The following SMARCC2 variants were observed in gnomAD, a reference collection of about 807,000 sequenced individuals.
SMARCC2 encodes SWI/SNF related BAF chromatin remodeling complex subunit C2.
A neutral mutation model predicts 151.3 loss-of-function variants in SMARCC2; 15 were observed. The ratio of observed to expected loss-of-function variants is 0.10; its 90% confidence interval spans 0.07 to 0.15. SMARCC2 has a LOEUF of 0.15. Among genes scored for constraint, SMARCC2 ranks in the 10% least tolerant of loss-of-function variants. The pLI, the probability that SMARCC2 is intolerant of heterozygous loss-of-function variation, is 1.00. For missense variants in SMARCC2, 1,031 were observed against 1,599.7 expected, an observed-to-expected ratio of 0.64 and a Z score of 6.06; for synonymous variants, 590 against 609.5, an observed-to-expected ratio of 0.97 and a Z score of 0.47.
rs1447886498 is a variant in SMARCC2 at position 56,163,656 on chromosome 12, G to A, written c.*33C>T. The A allele has an allele frequency of 7.5e-7, 1 of 1,329,340 alleles. No homozygotes were observed. Among genetic ancestry groups the A allele is most frequent in the Non-Finnish European group, 1.0e-6 (1 of 986,132 alleles). 82.3% of individuals were successfully genotyped at this position (1,329,340 alleles called of 1,614,324 possible). On this transcript the variant is annotated 3_prime_UTR_variant, in exon 29 of 29. Coordinates refer to ENST00000550164, the MANE Select transcript of SMARCC2 (RefSeq NM_001330288.2). The stretch of plus-strand genomic sequence containing the variant: ...TGTTCCTGGAACCGTGATGTCCACA[G>A]GGGGTGAGGGGGAGAGATGTCTGGC...
chr12:56,163,736 T>C lies in SMARCC2; in HGVS notation c.3691A>G (p.Thr1231Ala), dbSNP rs1360335110. ...GTGACCGTGCCTGGGCTCGGGGCTG[T>C]GGGGTCTGGAGGCAGGGGGGTGCCT... ...DPGTPLPPDP[T>A]APSPGTVTPV... The change falls in exon 29 of 29, where the codon ACA becomes GCA. Residue 1231 changes from threonine (T) to alanine (A), a missense_variant. Transcript: ENST00000550164. The C allele has an allele frequency of 2.0e-6, 3 of 1,511,056 alleles. 1 individual carries two copies. The allele number at this position is 1,511,056 out of a possible 1,614,324, so 93.6% of individuals were successfully genotyped here. A position where few individuals can be genotyped will look rare whatever the true frequency, so the allele number is the denominator to read the frequency against.
intron 1 of SMARCC2, among the ~76,000 whole-genome samples, chr12:56,187,842 G>A (rs1051346674): frequency 3.3e-5 from 5 of 152,072 alleles, no homozygotes; most frequent in African/African-American, 1.2e-4. Flanking sequence ...GTCTTCATAG[G>A]CCCTCCTAGA....
At position 56,182,092 on chromosome 12, in the gene SMARCC2, A is replaced by G. The variant is rs1592317231; in HGVS notation, c.633-13T>C. ...CCACGTGTCGTAACTGCCATGGGAA[A>G]TTGAGCACACAGTAGAATCAATGGG... is the stretch of plus-strand genomic sequence containing the variant. On this transcript the variant is annotated splice_polypyrimidine_tract_variant and intron_variant, in intron 7 of 28. Transcript: ENST00000550164. 3 of 1,596,688 alleles carry G rather than the reference A, an allele frequency of 1.9e-6. No homozygotes were observed. The highest frequency in any genetic ancestry group is 2.6e-6 in the Non-Finnish European group (3 of 1,165,334).
chr12:56,179,130 T>C, intron 11 of SMARCC2, 74 bp from the exon 12 acceptor site: 1 of 1,286,166 alleles, frequency 7.8e-7, no homozygotes, highest in Non-Finnish European at 1.1e-6. Flanking sequence ...GTTCCAGACA[T>C]CCTACTTTCT....
chr12:56,181,881 C>T, intron 8 of SMARCC2, 46 bp from the exon 9 acceptor site: 1 of 1,613,536 alleles, frequency 6.2e-7, no homozygotes, highest in Non-Finnish European at 8.5e-7. Flanking sequence ...CTGGAAGCCA[C>T]AGCTCTGTCT....
chr12:56,185,332 C>T (rs1280056935), intron 3 of SMARCC2: 2 of 496,042 alleles, frequency 4.0e-6, no homozygotes, highest in African/African-American at 3.9e-5. Flanking sequence ...GCACACACCA[C>T]CTCACGTGGC....
chr12:56,174,742 TAA>T lies in SMARCC2; in HGVS notation c.1403_1404del (p.Phe468TyrfsTer3). The T allele has an allele frequency of 6.2e-7, 1 of 1,612,940 alleles. No individual in the cohort carries two copies. The highest frequency in any genetic ancestry group is 1.3e-5 in the African/African-American group (1 of 74,862). ...GGGTTCAGTCGGTAAGTGTCAATCA[TAA>T]AGTTTCGATAGGCCAGGTAGCTTAG... ...TPEIYLAYRNFMIDTYRLNPQ... is the reference protein window; with the variant it reads ...TPEIYLAYRNXMIDTYRLNPQ... On this transcript the variant is annotated frameshift_variant, in exon 16 of 29. Transcript: ENST00000550164. LOFTEE classifies it high-confidence loss of function.
intron 2 of SMARCC2, among the ~76,000 whole-genome samples, 160 bp from the exon 3 acceptor site, chr12:56,186,400 G>C (rs1340506867): frequency 1.3e-5 from 2 of 149,932 alleles, no homozygotes; most frequent in Non-Finnish European, 3.0e-5. Context: ...GCCCAGGCTG[G>C]AGTGCAATGG....
chr12:56,171,630 C>A lies in SMARCC2; in HGVS notation c.2185+49G>T. On this transcript the variant is annotated intron_variant, in intron 21 of 28. Coordinates refer to ENST00000550164, the MANE Select transcript of SMARCC2 (RefSeq NM_001330288.2). This position sits in a 1 kb window ranked among gnomAD's most constrained non-coding sequence, Gnocchi z 4.2. ...GGATTCACAGTCTGAGTAACTAGCC[C>A]TTCAAAAGCAAACTAAGAAGGCCAG... 1 of 1,522,982 alleles carries A rather than the reference C, an allele frequency of 6.6e-7. No individual in the cohort carries two copies. The highest frequency in any genetic ancestry group is 8.8e-7 in the Non-Finnish European group (1 of 1,137,614). The allele number at this position is 1,522,982 out of a possible 1,614,324, so 94.3% of individuals were successfully genotyped here.
rs1055071505 is a variant in SMARCC2, at chr12:56,174,890, T to C, written c.1383-126A>G. 4 of 653,492 alleles carry C rather than the reference T, an allele frequency of 6.1e-6. No individual in the cohort carries two copies. In the African/African-American group the frequency reaches 7.2e-5, roughly 12 times the overall value. The allele number at this position is 653,492 out of a possible 1,614,324, so 40.5% of individuals were successfully genotyped here. On this transcript the variant is annotated intron_variant, in intron 15 of 28. Transcript: ENST00000550164. Reference sequence around the variant, plus strand: ...ATAAAGATGGAAAAAAGTAGATTATTTGACTCTACATGCTGAGTGCCTGCT... The same window carrying C: ...ATAAAGATGGAAAAAAGTAGATTATCTGACTCTACATGCTGAGTGCCTGCT...
Position 56,163,533 on chromosome 12 carries a change from G to A in SMARCC2, c.*156C>T. 1 of 447,670 alleles carries A rather than the reference G, an allele frequency of 2.2e-6. No homozygotes were observed. Among genetic ancestry groups the A allele is most frequent in the Non-Finnish European group, 3.9e-6 (1 of 253,410 alleles). The allele number at this position is 447,670 out of a possible 1,614,324, so 27.7% of individuals were successfully genotyped here. A position where few individuals can be genotyped will look rare whatever the true frequency, so the allele number is the denominator to read the frequency against. On this transcript the variant is annotated 3_prime_UTR_variant, in exon 29 of 29. Coordinates refer to ENST00000550164, the MANE Select transcript of SMARCC2 (RefSeq NM_001330288.2). ...ATCTGATATAAAAATGCATGCCTCT[G>A]TTAGGCATGGTGAGGGCTTTGGAGG...
Position 56,178,398 on chromosome 12 carries a change from C to T in SMARCC2, c.1310+6G>A. 6.2e-7 allele frequency: 1 copy of T among 1,614,230 alleles called. No individual in the cohort carries two copies. The highest frequency in any genetic ancestry group is 8.5e-7 in the Non-Finnish European group (1 of 1,180,024). On this transcript the variant is annotated splice_donor_region_variant and intron_variant, in intron 14 of 28. Coordinates refer to ENST00000550164, the MANE Select transcript of SMARCC2 (RefSeq NM_001330288.2). ...GGACTCAGTGAGAAGTTGGGGACAA[C>T]CATACCTATTGTAGTCAAACCAGGC...
chr12:56,184,369 A>G (rs1293376672), intron 5 of SMARCC2, 125 bp from the exon 6 acceptor site: 1 of 669,318 alleles, frequency 1.5e-6, no homozygotes, highest in Non-Finnish European at 2.7e-6. Flanking sequence ...TGTATTCTCT[A>G]AGCACACACC....
intron 3 of SMARCC2, 79 bp from the exon 4 acceptor site, chr12:56,185,190 G>T: frequency 1.7e-6 from 2 of 1,170,634 alleles, no homozygotes; most frequent in Non-Finnish European, 2.5e-6. Context: ...TTTTTTGTTT[G>T]TTTTTTGAGA....
chr12:56,171,338 C>T lies in SMARCC2; in HGVS notation c.2280G>A (p.Ala760=), dbSNP rs200303437. ...VEEAAKVTGK[A]DPAFGLESSG... ...TGCTTTCCAGACCGAAGGCAGGGTC[C>T]GCCTTGCCTGTTACTTTGGCTGCTT... The change falls in exon 22 of 29, where the codon GCG becomes GCA. Residue 760 remains alanine (A), a synonymous_variant. Coordinates refer to ENST00000550164, the MANE Select transcript of SMARCC2 (RefSeq NM_001330288.2). This position sits in a 1 kb window ranked among gnomAD's most constrained non-coding sequence, Gnocchi z 4.2. 1.5e-5 allele frequency: 24 copies of T among 1,614,152 alleles called. No individual in the cohort carries two copies. Among genetic ancestry groups the T allele is most frequent in the East Asian group, 8.9e-5 (4 of 44,880 alleles).
At chr12:56,172,252 T>A in intron 20 of SMARCC2, 176 bp downstream of exon 20, 1 of 582,160 alleles carries the variant, frequency 1.7e-6, no homozygotes, top group Non-Finnish European at 2.9e-6. Flanking sequence ...GGCTAATTTT[T>A]AAAATTTTTC....
chr12:56,184,194 G>A lies in SMARCC2; in HGVS notation c.543C>T (p.Val181=), dbSNP rs768346905. ...KNNASHVVYP[V]PGNLEEEEWV... ...TCTCACCTTCTTCTAGATTCCCCGG[G>A]ACAGGATACACAACATGGGAGGCAT... The change falls in exon 6 of 29, where the codon GTC becomes GTT. Residue 181 remains valine, a synonymous_variant. Coordinates refer to ENST00000550164, the MANE Select transcript of SMARCC2 (RefSeq NM_001330288.2). The A allele has an allele frequency of 6.2e-7, 1 of 1,613,508 alleles. No homozygotes were observed. The highest frequency in any genetic ancestry group is 1.1e-5 in the South Asian group (1 of 90,994).
At chr12:56,184,785 G>C (rs536227411) in intron 5 of SMARCC2, 59 bp downstream of exon 5, 130 of 1,059,496 alleles carry the variant, frequency 1.2e-4, no homozygotes, top group Non-Finnish European at 1.9e-4. Context: ...GCTTGGTATA[G>C]AAAACACTGG....
At chr12:56,168,381 CT>C (rs545900697) in intron 25 of SMARCC2, among the ~76,000 whole-genome samples, 187 bp from the exon 26 acceptor site, 342 of 142,280 alleles carry the variant, frequency 2.4e-3, no homozygotes, top group Admixed American at 2.5e-3. Flanking sequence ...TTTCTTTTTT[CT>C]TTTTTTTTTT....
Sources: allele counts gnomAD v4.1 joint callset (sites outside exome capture counted in the v4.1 genomes callset), GRCh38; gene constraint gnomAD v4.1.1; non-coding constraint Gnocchi (gnomAD v3.1); transcripts MANE v1.5; gene names NCBI Gene and HGNC (gene_info 2026-07-23, HGNC 2026-07-21).